MYT1L: variants seen among roughly 807,000 people sequenced by gnomAD.
MYT1L encodes myelin transcription factor 1-like protein.
MYT1L carries 12 observed loss-of-function variants against 126.7 expected under a neutral mutation model. The observed-to-expected ratio is 0.09, with a 90% CI of 0.06 to 0.15. MYT1L has a LOEUF of 0.15. MYT1L is among the 10% of genes least tolerant of loss of function. MYT1L has a pLI of 1.00. For synonymous variants in MYT1L, 541 were observed against 604.2 expected (o/e 0.90, Z 1.53); for missense variants, 979 against 1,585.2 (o/e 0.62, Z 6.49).
At chr2:2,321,112 A>G (rs1248018417) in intron 1 of MYT1L, among the ~76,000 whole-genome samples, 3 of 152,220 alleles carry the variant, frequency 2.0e-5, no homozygotes, top group African/African-American at 7.2e-5. Context: ...GTGTTCTTAC[A>G]GATGTTGATG....
At chr2:2,327,512 T>C (rs1194144171) in intron 1 of MYT1L, among the ~76,000 whole-genome samples, 2 of 150,218 alleles carry the variant, frequency 1.3e-5, no homozygotes, top group African/African-American at 2.5e-5. Context: ...AAACTTGAAA[T>C]AGGAAAATGC....
intron 8 of MYT1L, among the ~76,000 whole-genome samples, chr2:1,959,083 C>T (rs72767315): frequency 0.059 from 9,010 of 152,172 alleles, 331 homozygotes; most frequent in East Asian, 0.18. Flanking sequence ...TTGATAAATG[C>T]TAATAGAATG....
chr2:2,001,117 G>A (rs1252443712), intron 4 of MYT1L, among the ~76,000 whole-genome samples: 6 of 151,912 alleles, frequency 3.9e-5, no homozygotes, highest in Non-Finnish European at 8.8e-5. Context: ...TCATCTCCGA[G>A]AACTTTCTTC....
chr2:1,801,820 A>G lies in MYT1L; in HGVS notation c.3173-21T>C. 1 of 1,444,558 alleles carries G rather than the reference A, an allele frequency of 6.9e-7. No individual in the cohort carries two copies. The highest frequency in any genetic ancestry group is 9.6e-7 in the Non-Finnish European group (1 of 1,038,822). 89.5% of individuals were successfully genotyped at this position (1,444,558 alleles called of 1,614,324 possible). On this transcript the variant is annotated intron_variant, in intron 22 of 24. Transcript: ENST00000647738. This position sits in a 1 kb window ranked among gnomAD's most constrained non-coding sequence, Gnocchi z 4.2. ...TATACCTGTAATAATGAATATTAGT[A>G]TGTTAAAACTGTTATATACAAAAAT... is the stretch of plus-strand genomic sequence containing the variant.
intron 15 of MYT1L, among the ~76,000 whole-genome samples, chr2:1,891,348 G>A (rs1401472246): frequency 6.6e-6 from 1 of 152,182 alleles, no homozygotes; most frequent in Non-Finnish European, 1.5e-5. Context: ...CCCTGGCACC[G>A]CCTGGTTCTC....
intron 3 of MYT1L, among the ~76,000 whole-genome samples, chr2:2,159,964 G>A (rs185470010): frequency 3.9e-5 from 6 of 152,232 alleles, no homozygotes; most frequent in African/African-American, 7.2e-5. Context: ...GACACCCTGC[G>A]ATAGCACCCA....
At chr2:2,004,271 AGG>A (rs2062834446) in intron 4 of MYT1L, among the ~76,000 whole-genome samples, 2 of 138,198 alleles carry the variant, frequency 1.4e-5, no homozygotes, top group Non-Finnish European at 1.6e-5. Flanking sequence ...TCTTTCCTGC[AGG>A]CGTTCTTTCC....
intron 3 of MYT1L, among the ~76,000 whole-genome samples, chr2:2,172,503 C>T (rs2090190526): frequency 6.6e-6 from 1 of 152,224 alleles, no homozygotes; most frequent in South Asian, 2.1e-4. Flanking sequence ...CTTTTAACTG[C>T]CTCCCGGAAG....
chr2:2,255,442 A>G (rs2094781843), intron 2 of MYT1L, among the ~76,000 whole-genome samples: 1 of 152,176 alleles, frequency 6.6e-6, no homozygotes, highest in Non-Finnish European at 1.5e-5. Flanking sequence ...TTGCCCTCAG[A>G]GCATCAGAGC....
intron 2 of MYT1L, among the ~76,000 whole-genome samples, chr2:2,202,620 G>T (rs1253759444): frequency 6.6e-6 from 1 of 152,152 alleles, no homozygotes; most frequent in East Asian, 1.9e-4. Flanking sequence ...TGAAATTGAG[G>T]CAATAATTAA....
chr2:1,809,082 T>C lies in MYT1L; in HGVS notation c.3166A>G (p.Ser1056Gly), dbSNP rs777809963. ...GGGCTGGAGGGGTGCTCACCGTTGC[T>C]GGCCCGCTGTTTGATGGTCAGCATC... The part of the protein sequence containing the change: ...EQMLTIKQRA[S>G]NGIENDEEIK... The change falls in exon 22 of 25, where the codon AGC becomes GGC. Residue 1056 changes from serine to glycine, a missense_variant. By Grantham distance (56) the Ser-to-Gly change is moderately conservative. Around this residue, in one of 12 missense-constraint regions of MYT1L, gnomAD observed 179 missense variants for 398.6 expected, o/e 0.45. Transcript: ENST00000647738. The C allele has an allele frequency of 1.4e-5, 22 of 1,613,846 alleles. No homozygotes were observed.
chr2:1,875,403 G>A (rs571187672), intron 18 of MYT1L, among the ~76,000 whole-genome samples: 1 of 152,354 alleles, frequency 6.6e-6, no homozygotes, highest in South Asian at 2.1e-4. Flanking sequence ...CGTGGTCCTT[G>A]CACCAAGAGA....
chr2:1,990,807 C>T (rs888813704), intron 5 of MYT1L, among the ~76,000 whole-genome samples: 1 of 152,178 alleles, frequency 6.6e-6, no homozygotes, highest in East Asian at 1.9e-4. Context: ...GAGCCCTCAG[C>T]GTCCATTGCC....
chr2:2,153,445 C>T (rs925151149), intron 3 of MYT1L, among the ~76,000 whole-genome samples: 10 of 152,084 alleles, frequency 6.6e-5, no homozygotes, highest in African/African-American at 2.4e-4. Flanking sequence ...AGTCCCTCTG[C>T]ACACACACAG....
At chr2:1,921,747 A>C (rs575229316) in intron 10 of MYT1L, among the ~76,000 whole-genome samples, 12 of 152,286 alleles carry the variant, frequency 7.9e-5, no homozygotes, top group African/African-American at 2.6e-4. Context: ...CACTGCCCTT[A>C]TCTTATGTTA....
At chr2:2,259,480 G>GTATA (rs370151725) in intron 2 of MYT1L, among the ~76,000 whole-genome samples, 1 of 150,512 alleles carries the variant, frequency 6.6e-6, no homozygotes, top group African/African-American at 2.5e-5. Context: ...CTTTCCTAAT[G>GTATA]TATATATATA....
chr2:2,158,655 G>A (rs1470090984), intron 3 of MYT1L, among the ~76,000 whole-genome samples: 1 of 147,864 alleles, frequency 6.8e-6, no homozygotes, highest in Non-Finnish European at 1.5e-5. Flanking sequence ...ACACGCGTAG[G>A]TGGACACGGG....
intron 3 of MYT1L, among the ~76,000 whole-genome samples, chr2:2,122,501 G>A (rs2081163807): frequency 6.6e-6 from 1 of 152,120 alleles, no homozygotes; most frequent in South Asian, 2.1e-4. Flanking sequence ...CCCTGTAATG[G>A]CCGGCGTAGG....
At chr2:2,295,443 G>A (rs1386858568) in intron 1 of MYT1L, among the ~76,000 whole-genome samples, 1 of 152,094 alleles carries the variant, frequency 6.6e-6, no homozygotes, top group Non-Finnish European at 1.5e-5. Context: ...GGTTCACCCT[G>A]AGCATCAGTG....
Sources: allele counts gnomAD v4.1 joint callset (sites outside exome capture counted in the v4.1 genomes callset), GRCh38; gene constraint gnomAD v4.1.1; regional missense constraint gnomAD v4.1.1; non-coding constraint Gnocchi (gnomAD v3.1); transcripts MANE v1.5; gene names NCBI Gene and HGNC (gene_info 2026-07-23, HGNC 2026-07-21).